VCAN: variants seen among roughly 807,000 people sequenced by gnomAD.
The protein encoded by VCAN is versican core protein.
VCAN carries 44 observed loss-of-function variants against 245.5 expected under a neutral mutation model. The ratio of observed to expected loss-of-function variants is 0.18; its 90% CI spans 0.14 to 0.23. The LOEUF (loss-of-function observed/expected upper bound fraction) is 0.23, where lower values mean the gene tolerates loss of function less well. Among genes scored for constraint, VCAN ranks in the 10% least tolerant of loss-of-function variants. The pLI is 1.00. For missense variants in VCAN, 3,793 were observed against 4,057.9 expected, an observed-to-expected ratio of 0.93 and a Z score of 1.77; for synonymous variants, 1,413 against 1,437.0, an observed-to-expected ratio of 0.98 and a Z score of 0.38.
At chr5:83,510,854 T>C (rs1417244480) in intron 5 of VCAN, among the ~76,000 whole-genome samples, 1 of 152,128 alleles carries the variant, frequency 6.6e-6, no homozygotes, top group Non-Finnish European at 1.5e-5. Context: ...AAAAACCTCT[T>C]TAACCAATCT....
intron 5 of VCAN, among the ~76,000 whole-genome samples, chr5:83,497,719 A>C (rs1312093520): frequency 2.0e-5 from 3 of 152,214 alleles, no homozygotes; most frequent in Admixed American, 6.5e-5. Context: ...TTTGGAAAAC[A>C]TTGGGAGGGT....
chr5:83,539,134 G>A lies in VCAN; in HGVS notation c.6131G>A (p.Gly2044Glu). The A allele has an allele frequency of 6.2e-7, 1 of 1,614,020 alleles. No homozygotes were observed. The highest frequency in any genetic ancestry group is 8.5e-7 in the Non-Finnish European group (1 of 1,179,988). The change falls in exon 8 of 15, where the codon GGA (glycine) becomes GAA (glutamate). Residue 2044 changes from glycine (G) to glutamate (E), a missense_variant. Gly to Glu is a moderately conservative substitution (Grantham distance 98). This residue lies in a region of VCAN where 3,182 missense variants were observed against 3,250.3 expected (regional missense o/e 0.98). Transcript: ENST00000265077. ...SGTASSIIDE[G>E]LGEVGTVNEI... ...ACAGCTTCCTCCATTATCGACGAAGGATTGGGAGAAGTGGGTACTGTCAAT... is the reference window on the plus strand; with the variant it reads ...ACAGCTTCCTCCATTATCGACGAAGAATTGGGAGAAGTGGGTACTGTCAAT...
At chr5:83,556,924 G>C (rs1233975460) in intron 12 of VCAN, among the ~76,000 whole-genome samples, 1 of 151,820 alleles carries the variant, frequency 6.6e-6, no homozygotes, top group Non-Finnish European at 1.5e-5. Context: ...TGGGTTTTAG[G>C]GTGCCCACTA....
Position 83,547,894 on chromosome 5 carries a change from T to G in VCAN, c.9380-77T>G. The G allele has an allele frequency of 4.7e-6, 5 of 1,061,650 alleles. No homozygotes were observed. The East Asian group carries it at 1.2e-4, about 25-fold the overall frequency. 65.8% of individuals were successfully genotyped at this position (1,061,650 alleles called of 1,614,324 possible). A position where few individuals can be genotyped will look rare whatever the true frequency, so the allele number is the denominator to read the frequency against. On this transcript the variant is annotated intron_variant, in intron 9 of 14. Transcript: ENST00000265077. ...ATTTAACTGGCTGTCTTGTATGTTA[T>G]CTTGCAACCTCACACTAAATGGAAT...
At chr5:83,573,436 T>C (rs1171731321) in intron 13 of VCAN, among the ~76,000 whole-genome samples, 1 of 152,082 alleles carries the variant, frequency 6.6e-6, no homozygotes, top group Non-Finnish European at 1.5e-5. Context: ...AGTCCTTCCT[T>C]TGTTTTATGT....
chr5:83,519,671 TAAGGAAG>T lies in VCAN; in HGVS notation c.1369_1375del (p.Glu457CysfsTer35), dbSNP rs1745998876. 6.2e-7 allele frequency: 1 copy of T among 1,614,026 alleles called. No homozygotes were observed. The highest frequency in any genetic ancestry group is 8.5e-7 in the Non-Finnish European group (1 of 1,179,996). On this transcript the variant is annotated frameshift_variant, in exon 7 of 15. Transcript: ENST00000265077. LOFTEE classifies it high-confidence loss of function. The stretch of plus-strand genomic sequence containing the variant: ...TTGGAAAGCTAGACATATCAGAAAT[TAAGGAAG>T]AAGTGCTCCAGAGTACAACTGGCGT...
At position 83,580,480 on chromosome 5, in the gene VCAN, C is replaced by T; in HGVS notation, c.*46C>T. The T allele has an allele frequency of 6.2e-7, 1 of 1,611,150 alleles. No individual in the cohort carries two copies. The highest frequency in any genetic ancestry group is 8.5e-7 in the Non-Finnish European group (1 of 1,178,586). ...TGTTTTCATCATTTCAGCCAAAGTCCTAACTTCCTGTGCCTTTCCTATCAC... is the reference window on the plus strand; with the variant it reads ...TGTTTTCATCATTTCAGCCAAAGTCTTAACTTCCTGTGCCTTTCCTATCAC... On this transcript the variant is annotated 3_prime_UTR_variant, in exon 15 of 15. Coordinates refer to ENST00000265077, the MANE Select transcript of VCAN (RefSeq NM_004385.5).
In VCAN at chr5:83,486,061, G is replaced by A. The variant is rs10042228; in HGVS notation, c.70+2473G>A. On this transcript the variant is annotated intron_variant, in intron 2 of 14. Coordinates refer to ENST00000265077, the MANE Select transcript of VCAN (RefSeq NM_004385.5). ...AGGCAGGAGAATTGTTGATCACAGG[G>A]GGTCGAGGCTGCAGTGAGTCATGAT... Among the ~76,000 whole-genome samples, 1,038 of 152,114 alleles carry A rather than the reference G, an allele frequency of 6.8e-3. 13 individuals are homozygous for A. The highest frequency in any genetic ancestry group is 0.024 in the African/African-American group (994 of 41,480).
chr5:83,553,451 A>T lies in VCAN; in HGVS notation c.9581A>T (p.Glu3194Val), dbSNP rs1747548479. The T allele has an allele frequency of 6.2e-7, 1 of 1,614,138 alleles. No individual in the cohort carries two copies. The highest frequency in any genetic ancestry group is 8.5e-7 in the Non-Finnish European group (1 of 1,179,976). ...FAHRRTWDAA[E>V]RECRLQGAHL... ...CATCGACGCACATGGGATGCAGCTG[A>T]ACGGGAATGCCGTCTGCAGGGTGCC... Residue 3194 changes from glutamate (E) to valine (V), a missense_variant, in exon 11 of 15, where the codon GAA becomes GTA. Coordinates refer to ENST00000265077, the MANE Select transcript of VCAN (RefSeq NM_004385.5).
At position 83,542,077 on chromosome 5, in the gene VCAN, C is replaced by A; in HGVS notation, c.9074C>A (p.Thr3025Lys). The A allele has an allele frequency of 6.2e-7, 1 of 1,613,692 alleles. No individual in the cohort carries two copies. The highest frequency in any genetic ancestry group is 8.5e-7 in the Non-Finnish European group (1 of 1,179,660). Residue 3025 changes from threonine to lysine, a missense_variant, in exon 8 of 15, where the codon ACG becomes AAG. Coordinates refer to ENST00000265077, the MANE Select transcript of VCAN (RefSeq NM_004385.5). ...QAALIRGQDS[T>K]IAASEQQVAA... Reference sequence around the variant, plus strand: ...GCTTTAATCAGAGGGCAGGATTCCACGATAGCAGCATCAGAACAGCAAGTG... The same window carrying A: ...GCTTTAATCAGAGGGCAGGATTCCAAGATAGCAGCATCAGAACAGCAAGTG...
intron 1 of VCAN, among the ~76,000 whole-genome samples, chr5:83,477,398 AG>A (rs1419860636): frequency 6.6e-6 from 1 of 152,202 alleles, no homozygotes; most frequent in Non-Finnish European, 1.5e-5. Context: ...TTCAGTGGAA[AG>A]GAAGAATTAT....
chr5:83,513,664 A>G (rs951695842), intron 6 of VCAN, among the ~76,000 whole-genome samples: 2 of 152,234 alleles, frequency 1.3e-5, no homozygotes, highest in African/African-American at 4.8e-5. Context: ...GCCCTGAAAC[A>G]ACAGAATTCT....
chr5:83,521,431 C>T lies in VCAN; in HGVS notation c.3125C>T (p.Ala1042Val). The T allele has an allele frequency of 1.2e-6, 2 of 1,614,134 alleles. No individual in the cohort carries two copies. Among genetic ancestry groups the T allele is most frequent in the Non-Finnish European group, 8.5e-7 (1 of 1,180,006 alleles). Residue 1042 changes from alanine (A) to valine (V), a missense_variant, in exon 7 of 15, where the codon GCA becomes GTA. Around this residue, in one of 5 missense-constraint regions of VCAN, gnomAD observed 3,182 missense variants for 3,250.3 expected, o/e 0.98. Transcript: ENST00000265077. ...GAATTCCCTTGGAAAGAACAGACTG[C>T]AGAGAAACCAGTTCCTGCTCTCAGT... ...QEEFPWKEQT[A>V]EKPVPALSST...
At chr5:83,567,067 A>G (rs1310109881) in intron 12 of VCAN, among the ~76,000 whole-genome samples, 1 of 152,148 alleles carries the variant, frequency 6.6e-6, no homozygotes, top group East Asian at 1.9e-4. Context: ...AAAGAAAAAC[A>G]ATAACTGAAA....
chr5:83,573,542 GA>G (rs952651258), intron 13 of VCAN, among the ~76,000 whole-genome samples: 1 of 151,560 alleles, frequency 6.6e-6, no homozygotes, highest in Non-Finnish European at 1.5e-5. Flanking sequence ...TAGAATTCTG[GA>G]AAAAAACAAA....
chr5:83,547,006 A>T (rs561606820), intron 9 of VCAN, among the ~76,000 whole-genome samples: 1 of 152,290 alleles, frequency 6.6e-6, no homozygotes, highest in East Asian at 1.9e-4. Flanking sequence ...TAAAGTTGGG[A>T]AGATTTGACA....
intron 5 of VCAN, among the ~76,000 whole-genome samples, chr5:83,499,597 C>A (rs1018386518): frequency 4.9e-5 from 7 of 141,966 alleles, no homozygotes; most frequent in African/African-American, 2.2e-4. Context: ...TCCTCTCACT[C>A]TTTTCTCCTC....
chr5:83,482,777 A>C (rs1273547869), intron 1 of VCAN, among the ~76,000 whole-genome samples: 1 of 152,252 alleles, frequency 6.6e-6, no homozygotes, highest in African/African-American at 2.4e-5. Flanking sequence ...TGGCAAAGCC[A>C]GGGCAGTTTC....
In VCAN at chr5:83,545,551, A is replaced by C; in HGVS notation, c.9280A>C (p.Lys3094Gln). 1 of 1,614,140 alleles carries C rather than the reference A, an allele frequency of 6.2e-7. No individual in the cohort carries two copies. The highest frequency in any genetic ancestry group is 8.5e-7 in the Non-Finnish European group (1 of 1,179,974). ...AIYLPGPDRC[K>Q]MNPCLNGGTC... The stretch of plus-strand genomic sequence containing the variant: ...GAATATGGTAGGACCTGATCGCTGC[A>C]AAATGAACCCGTGCCTTAACGGAGG... Residue 3094 changes from lysine to glutamine, a missense_variant, in exon 9 of 15, where the codon AAA (lysine) becomes CAA (glutamine). Lys to Gln is a moderately conservative substitution (Grantham distance 53). Around this residue, in one of 5 missense-constraint regions of VCAN, gnomAD observed 3,182 missense variants for 3,250.3 expected, o/e 0.98. Coordinates refer to ENST00000265077, the MANE Select transcript of VCAN (RefSeq NM_004385.5).
Sources: allele counts gnomAD v4.1 joint callset (sites outside exome capture counted in the v4.1 genomes callset), GRCh38; gene constraint gnomAD v4.1.1; regional missense constraint gnomAD v4.1.1; transcripts MANE v1.5; gene names NCBI Gene and HGNC (gene_info 2026-07-23, HGNC 2026-07-21).